Variants in SDK1 observed in about 807,000 individuals in gnomAD.
The protein encoded by SDK1 is sidekick cell adhesion molecule 1, also known as protein sidekick-1.
Under a neutral mutation model 245.5 loss-of-function variants are expected in SDK1, and 157 were observed. That is an observed-to-expected ratio of 0.64 (90% confidence interval 0.56 to 0.73). SDK1 has a LOEUF of 0.73. Among genes scored for constraint, SDK1 ranks in the 30% least tolerant of loss-of-function variants. The pLI, the probability that SDK1 is intolerant of heterozygous loss-of-function variation, is 0.00. For synonymous variants in SDK1, 1,647 were observed against 1,278.5 expected, an observed-to-expected ratio of 1.29 and a Z score of -6.15; for missense variants, 3,583 against 3,002.3, an observed-to-expected ratio of 1.19 and a Z score of -4.52.
chr7:3,331,746 A>AT (rs939331534), intron 1 of SDK1, among the ~76,000 whole-genome samples: 166 of 147,206 alleles, frequency 1.1e-3, no homozygotes, highest in East Asian at 2.0e-3. Context: ...CACAGTCAAC[A>AT]TTTTTTTTTT....
chr7:4,268,531 A>G lies in SDK1; in HGVS notation c.*3147A>G. ...GGGGACCCAGATGGCCACACACGGA[A>G]CGCGCCTCCACAGCCCCGGGAGGTG... On this transcript the variant is annotated 3_prime_UTR_variant, in exon 45 of 45. Coordinates refer to ENST00000404826, the MANE Select transcript of SDK1 (RefSeq NM_152744.4). 1.6e-6 allele frequency: 2 copies of G among 1,250,766 alleles called. No homozygotes were observed. The highest frequency in any genetic ancestry group is 2.1e-6 in the Non-Finnish European group (2 of 964,006). 77.5% of individuals were successfully genotyped at this position (1,250,766 alleles called of 1,614,324 possible).
intron 4 of SDK1, among the ~76,000 whole-genome samples, chr7:3,656,955 G>A (rs1241464909): frequency 6.6e-6 from 1 of 151,712 alleles, no homozygotes; most frequent in Admixed American, 6.6e-5. Flanking sequence ...CACCTTGTTA[G>A]CCAGGATGGT....
intron 1 of SDK1, among the ~76,000 whole-genome samples, chr7:3,380,698 T>C (rs767429249): frequency 1.8e-4 from 28 of 152,224 alleles, no homozygotes; most frequent in Non-Finnish European, 3.1e-4. Context: ...TTCTGTCTTC[T>C]TGATTTACTG....
chr7:3,352,439 A>G (rs6974075), intron 1 of SDK1, among the ~76,000 whole-genome samples: 89,981 of 151,902 alleles, frequency 0.59, 27,581 homozygotes, highest in African/African-American at 0.77. Context: ...ACGACGAGAG[A>G]TCTGTGGATT....
At chr7:3,568,229 A>AATATGCATTTAATAAATGCATAACTTC (rs1177658725) in intron 1 of SDK1, among the ~76,000 whole-genome samples, 17 of 152,220 alleles carry the variant, frequency 1.1e-4, no homozygotes, top group Non-Finnish European at 2.4e-4. Flanking sequence ...CATTTAATTT[A>AATATGCATTTAATAAATGCATAACTTC]ATATGCATTT....
At chr7:3,584,298 C>G (rs764772696) in intron 1 of SDK1, among the ~76,000 whole-genome samples, 1 of 152,140 alleles carries the variant, frequency 6.6e-6, no homozygotes, top group Non-Finnish European at 1.5e-5. Context: ...TAATGCACCT[C>G]TTTGGATTTC....
chr7:4,110,703 A>C lies in SDK1; in HGVS notation c.3365A>C (p.Tyr1122Ser), dbSNP rs369144668. ...IGDEEEWVTL[Y>S]EEENEPDAQM... is the part of the protein sequence containing the mutation. ...GACGAGGAGGAGTGGGTCACCCTCT[A>C]TGAAGAGGAGAATGAGCCTGATGCC... The change falls in exon 23 of 45, where the codon TAT becomes TCT. Residue 1122 changes from tyrosine to serine, a missense_variant. Transcript: ENST00000404826. 1 of 1,613,788 alleles carries C rather than the reference A, an allele frequency of 6.2e-7. No homozygotes were observed. Among genetic ancestry groups the C allele is most frequent in the African/African-American group, 1.3e-5 (1 of 74,900 alleles).
intron 14 of SDK1, among the ~76,000 whole-genome samples, chr7:3,989,833 C>T (rs758710503): frequency 5.9e-5 from 9 of 152,224 alleles, no homozygotes; most frequent in Non-Finnish European, 1.3e-4. Context: ...TCTGATAATA[C>T]TGCATGTTCA....
intron 4 of SDK1, among the ~76,000 whole-genome samples, chr7:3,741,333 C>G (rs767834784): frequency 6.6e-6 from 1 of 152,182 alleles, no homozygotes; most frequent in African/African-American, 2.4e-5. Flanking sequence ...ATCCCCAGCC[C>G]CCTGTTCTCC....
At chr7:3,860,617 C>T (rs1723723734) in intron 5 of SDK1, among the ~76,000 whole-genome samples, 1 of 152,068 alleles carries the variant, frequency 6.6e-6, no homozygotes, top group Admixed American at 6.6e-5. Context: ...GAGAAAATAA[C>T]TTTTATTTGA....
intron 1 of SDK1, among the ~76,000 whole-genome samples, chr7:3,529,993 A>C (rs1310410738): frequency 6.6e-6 from 1 of 152,176 alleles, no homozygotes; most frequent in Non-Finnish European, 1.5e-5. Flanking sequence ...ACCTTTGTGG[A>C]TACAAGTCTG....
chr7:3,987,201 A>C lies in SDK1; in HGVS notation c.2010A>C (p.Ser670=), dbSNP rs756534348. ...ARLEVIELPH[S]PQNLLVSPNS... Reference sequence around the variant, plus strand: ...TCAATTCAAGTGAACTGCCTCATTCACCTCAGAACCTCCTGGTCAGCCCTA... The same window carrying C: ...TCAATTCAAGTGAACTGCCTCATTCCCCTCAGAACCTCCTGGTCAGCCCTA... The change falls in exon 14 of 45, where the codon TCA becomes TCC. Residue 670 remains serine, a synonymous_variant. Transcript: ENST00000404826. The C allele has an allele frequency of 6.2e-7, 1 of 1,613,848 alleles. No homozygotes were observed. Among genetic ancestry groups the C allele is most frequent in the Non-Finnish European group, 8.5e-7 (1 of 1,179,918 alleles).
intron 25 of SDK1, among the ~76,000 whole-genome samples, chr7:4,115,777 T>C (rs1300662959): frequency 6.6e-6 from 1 of 152,204 alleles, no homozygotes; most frequent in Non-Finnish European, 1.5e-5. Context: ...TACAATGCCG[T>C]GCAAAGAGAC....
At position 4,026,060 on chromosome 7, in the gene SDK1, G is replaced by A. The variant is rs1172964684; in HGVS notation, c.2602+8708G>A. Reference sequence around the variant, plus strand: ...GTCCACGAACGCGTCCCCAGCGTTGGGGAGGTATGCCACTCAGCACCCTGG... The same window carrying A: ...GTCCACGAACGCGTCCCCAGCGTTGAGGAGGTATGCCACTCAGCACCCTGG... On this transcript the variant is annotated intron_variant, in intron 17 of 44. Coordinates refer to ENST00000404826, the MANE Select transcript of SDK1 (RefSeq NM_152744.4). This position sits in a 1 kb window ranked among gnomAD's most constrained non-coding sequence, Gnocchi z 4.1. 1.3e-5 allele frequency among the ~76,000 whole-genome samples: 2 copies of A among 152,218 alleles called. No individual in the cohort carries two copies. Among genetic ancestry groups the A allele is most frequent in the Non-Finnish European group, 2.9e-5 (2 of 68,046 alleles).
rs756001358 is a variant in SDK1, at chr7:4,132,344, G to T, written c.4149G>T (p.Arg1383Ser). Residue 1383 changes from arginine to serine, a missense_variant, in exon 28 of 45, where the codon AGG becomes AGT. Physicochemically the swap from Arg to Ser is moderately radical, Grantham distance 110. Coordinates refer to ENST00000404826, the MANE Select transcript of SDK1 (RefSeq NM_152744.4). ...CTTCAGCCCCAGGCCCACCAGTGAGGCTCGTGTTCCCCGAAGTGAGACTCA... is the reference window on the plus strand; with the variant it reads ...CTTCAGCCCCAGGCCCACCAGTGAGTCTCGTGTTCCCCGAAGTGAGACTCA... ...TKDDAPGPPV[R>S]LVFPEVRLTS... 3.1e-6 allele frequency: 5 copies of T among 1,612,328 alleles called. No homozygotes were observed. Among genetic ancestry groups the T allele is most frequent in the Non-Finnish European group, 4.2e-6 (5 of 1,178,822 alleles).
chr7:3,806,213 C>G (rs1779239414), intron 4 of SDK1, among the ~76,000 whole-genome samples: 2 of 152,228 alleles, frequency 1.3e-5, no homozygotes, highest in Non-Finnish European at 2.9e-5. Flanking sequence ...AGACAATCTT[C>G]CCATCTTTAG....
At chr7:4,181,718 G>A (rs752392649) in intron 35 of SDK1, among the ~76,000 whole-genome samples, 3 of 152,182 alleles carry the variant, frequency 2.0e-5, no homozygotes, top group Non-Finnish European at 4.4e-5. Flanking sequence ...GGAAAGGAAA[G>A]CCTACTTGCT....
rs116988313 is a variant in SDK1 at position 3,508,897 on chromosome 7, G to T, written c.299-110183G>T. 5.3e-3 allele frequency among the ~76,000 whole-genome samples: 810 copies of T among 152,340 alleles called. 5 individuals are homozygous for T. The highest frequency in any genetic ancestry group is 0.023 in the South Asian group (109 of 4,828). On this transcript the variant is annotated intron_variant, in intron 1 of 44. Transcript: ENST00000404826. The stretch of plus-strand genomic sequence containing the variant: ...AGGAATGAATGATATTATAGGAAGT[G>T]AGTATTTTATTCAGTGCAGGATTTA...
At chr7:3,365,853 A>G (rs1048136059) in intron 1 of SDK1, among the ~76,000 whole-genome samples, 2 of 151,846 alleles carry the variant, frequency 1.3e-5, no homozygotes, top group Non-Finnish European at 2.9e-5. Flanking sequence ...CCTGGCCAAC[A>G]TGGTGAAACT....
Sources: gnomAD v4.1 joint callset for allele counts (sites outside exome capture counted in the v4.1 genomes callset) on GRCh38, gnomAD v4.1.1 for gene constraint, Gnocchi (gnomAD v3.1) non-coding constraint, MANE v1.5 for transcripts, NCBI Gene and HGNC (gene_info 2026-07-23, HGNC 2026-07-21) for gene names.